NAA16: variants seen among roughly 807,000 people sequenced by gnomAD.
The protein encoded by NAA16 is NARG1-like protein.
Under a neutral mutation model 110.3 loss-of-function variants are expected in NAA16, and 97 were observed. That is an observed-to-expected ratio of 0.88 (90% CI 0.75 to 1.04). The LOEUF (loss-of-function observed/expected upper bound fraction) is 1.04. Among genes scored for constraint, NAA16 ranks in the 50% least tolerant of loss-of-function variants. The pLI is 0.00. For missense variants in NAA16, 1,017 were observed against 1,005.1 expected (o/e 1.01, Z -0.16); for synonymous variants, 372 against 330.6 (o/e 1.13, Z -1.36).
rs372206501 is a variant in NAA16, at chr13:41,331,389, T to G, written c.907+20T>G. The G allele has an allele frequency of 7.0e-7, 1 of 1,430,190 alleles. No homozygotes were observed. The highest frequency in any genetic ancestry group is 9.8e-7 in the Non-Finnish European group (1 of 1,024,816). The allele number at this position is 1,430,190 out of a possible 1,614,324, so 88.6% of individuals were successfully genotyped here. On this transcript the variant is annotated intron_variant, in intron 8 of 19. Transcript: ENST00000379406. The stretch of plus-strand genomic sequence containing the variant: ...TCCCAGGTAATATTAAGATGTCTTT[T>G]ATAATATTAATTATTTGTCAGAATT...
chr13:41,374,886 C>G (rs755776958), intron 19 of NAA16, 47 bp downstream of exon 19: 2 of 1,126,126 alleles, frequency 1.8e-6, no homozygotes, highest in Non-Finnish European at 2.6e-6. Flanking sequence ...AGTGATCTAA[C>G]AAAACGTGTC....
chr13:41,362,826 C>T (rs1035029146), intron 13 of NAA16: 1 of 1,289,302 alleles, frequency 7.8e-7, no homozygotes, highest in Non-Finnish European at 1.0e-6. Flanking sequence ...CAATCGGCAC[C>T]ACTGTTCCCA....
At chr13:41,340,308 G>GT (rs1295046304) in intron 9 of NAA16, among the ~76,000 whole-genome samples, 25 of 151,986 alleles carry the variant, frequency 1.6e-4, no homozygotes, top group Admixed American at 1.6e-3. Context: ...TTTTTGAAGG[G>GT]TTTTTTGTGT....
intron 8 of NAA16, among the ~76,000 whole-genome samples, chr13:41,335,056 A>G (rs1259600999): frequency 6.6e-6 from 1 of 152,220 alleles, no homozygotes; most frequent in Non-Finnish European, 1.5e-5. Flanking sequence ...ATACCTGCAC[A>G]ATCTAATCAA....
chr13:41,362,511 T>G (rs960798005), intron 13 of NAA16: 14 of 371,258 alleles, frequency 3.8e-5, no homozygotes, highest in African/African-American at 2.8e-4. Context: ...CTCTTTCCCC[T>G]TTAAAACATC....
At chr13:41,362,843 C>A in intron 13 of NAA16, 1 of 1,288,830 alleles carries the variant, frequency 7.8e-7, no homozygotes, top group Non-Finnish European at 1.0e-6. Context: ...CCCATCCTGA[C>A]GCAGTATAGA....
chr13:41,358,904 A>G lies in NAA16; in HGVS notation c.1352A>G (p.Tyr451Cys). The G allele has an allele frequency of 3.1e-6, 5 of 1,612,332 alleles. No homozygotes were observed. The highest frequency in any genetic ancestry group is 4.2e-6 in the Non-Finnish European group (5 of 1,178,780). Residue 451 changes from tyrosine to cysteine, a missense_variant, in exon 12 of 20, where the codon TAC becomes TGC. Coordinates refer to ENST00000379406, the MANE Select transcript of NAA16 (RefSeq NM_024561.5). ...TTCATCAATTCCAAATGTGCAAAAT[A>G]CATGCTTCGAGCAAATATGATAAAA... ...DRFINSKCAK[Y>C]MLRANMIKEA...
rs1035978939 is a variant in NAA16, at chr13:41,366,496, G to T, written c.1540-943G>T. On this transcript the variant is annotated intron_variant, in intron 13 of 19. Transcript: ENST00000379406. ...AAAGAAGTTGGAGATGGAAATGCATGCAGGGGAACAGTATAAGTATAAGAT... is the reference window on the plus strand; with the variant it reads ...AAAGAAGTTGGAGATGGAAATGCATTCAGGGGAACAGTATAAGTATAAGAT... 5.9e-5 allele frequency among the ~76,000 whole-genome samples: 9 copies of T among 152,260 alleles called. 1 individual carries two copies. The highest frequency in any genetic ancestry group is 1.9e-4 in the African/African-American group (8 of 41,556).
chr13:41,314,716 C>T (rs899274795), intron 1 of NAA16, among the ~76,000 whole-genome samples: 2 of 152,130 alleles, frequency 1.3e-5, no homozygotes, highest in South Asian at 2.1e-4. Flanking sequence ...CTAAGGCCGG[C>T]GCAGTGGCTC....
chr13:41,353,723 C>T (rs1197762436), intron 9 of NAA16, among the ~76,000 whole-genome samples: 1 of 151,768 alleles, frequency 6.6e-6, no homozygotes. Context: ...GCGACTATCA[C>T]ACCACTGCAC....
At chr13:41,324,617 A>G (rs188150008) in intron 5 of NAA16, among the ~76,000 whole-genome samples, 8 of 150,802 alleles carry the variant, frequency 5.3e-5, no homozygotes, top group Admixed American at 5.3e-4. Context: ...CTTGTGATCC[A>G]CGTGCCTCTG....
rs372400704 is a variant in NAA16, at chr13:41,311,602, G to A, written c.54+20G>A. ...ATCTTGGTGAGTGGCCGTAGGCCGC[G>A]CTGCCGCCCCCCGGTCCCCGGGTCC... On this transcript the variant is annotated intron_variant, in intron 1 of 19. Coordinates refer to ENST00000379406, the MANE Select transcript of NAA16 (RefSeq NM_024561.5). The A allele has an allele frequency of 1.9e-6, 3 of 1,599,422 alleles. No individual in the cohort carries two copies. The highest frequency in any genetic ancestry group is 1.3e-5 in the African/African-American group (1 of 74,434).
chr13:41,327,885 A>G (rs1424667309), intron 6 of NAA16: 2 of 151,922 alleles, frequency 1.3e-5, no homozygotes, highest in African/African-American at 4.8e-5. Context: ...AGTTTGAGTG[A>G]TATATGATAT....
intron 8 of NAA16, among the ~76,000 whole-genome samples, chr13:41,335,037 T>C (rs912215719): frequency 6.6e-5 from 10 of 152,200 alleles, no homozygotes; most frequent in African/African-American, 2.4e-4. Context: ...AGCTTCCCCA[T>C]TCTTTTTCAT....
chr13:41,332,301 T>C (rs998656531), intron 8 of NAA16, among the ~76,000 whole-genome samples: 57 of 152,234 alleles, frequency 3.7e-4, no homozygotes, highest in Admixed American at 1.3e-4. Flanking sequence ...TTTTGCTTTT[T>C]CTTTTGCCAT....
rs563374412 is a variant in NAA16, at chr13:41,312,230, A to G, written c.54+648A>G. On this transcript the variant is annotated intron_variant, in intron 1 of 19. Transcript: ENST00000379406. ...GCGTTTCTGAGTTGTCACCAACTTC[A>G]AAACAGCTGTTTGCTTTTTAGTCGC... Among the ~76,000 whole-genome samples, 7 of 152,238 alleles carry G rather than the reference A, an allele frequency of 4.6e-5. No individual in the cohort carries two copies. In the South Asian group the frequency reaches 8.3e-4, roughly 18 times the overall value.
chr13:41,359,823 G>C (rs2043075350), intron 12 of NAA16, among the ~76,000 whole-genome samples: 1 of 152,088 alleles, frequency 6.6e-6, no homozygotes, highest in South Asian at 2.1e-4. Flanking sequence ...GTTCCAAGTG[G>C]ATTAAAGATC....
Position 41,325,813 on chromosome 13 carries a change from A to T in NAA16, c.653A>T (p.Lys218Ile). The change falls in exon 6 of 20, where the codon AAA becomes ATA. Residue 218 changes from lysine to isoleucine, a missense_variant. Transcript: ENST00000379406. ...TTGGAACATATAGAAATGTATGAGA[A>T]ACAAATATGTGATAAACTTTTGGTG... ...ESLEHIEMYE[K>I]QICDKLLVEE... 6.2e-7 allele frequency: 1 copy of T among 1,608,706 alleles called. No individual in the cohort carries two copies. The highest frequency in any genetic ancestry group is 8.5e-7 in the Non-Finnish European group (1 of 1,177,624).
intron 13 of NAA16, among the ~76,000 whole-genome samples, chr13:41,363,077 G>T (rs1198781310): frequency 6.6e-6 from 1 of 152,036 alleles, no homozygotes; most frequent in Non-Finnish European, 1.5e-5. Context: ...GCCCTTTTAA[G>T]CCTGGGCTTG....
Sources: allele counts gnomAD v4.1 joint callset (sites outside exome capture counted in the v4.1 genomes callset), GRCh38; gene constraint gnomAD v4.1.1; transcripts MANE v1.5; gene names NCBI Gene and HGNC (gene_info 2026-07-23, HGNC 2026-07-21).